GARIN1A: variants seen among roughly 807,000 people sequenced by gnomAD.
GARIN1A encodes the protein Golgi-associated RAB2 interactor protein 1A.
At chr7:128,672,352 C>T in the GARIN1A span, 61 of 1,537,336 alleles carry the variant, frequency 4.0e-5, no homozygotes, top group Admixed American at 2.7e-4. Context: ...GCTGGGTCGG[C>T]GTGGAGCCCC....
chr7:128,672,231 C>G, the GARIN1A span: 1 of 545,870 alleles, frequency 1.8e-6, no homozygotes, highest in South Asian at 2.7e-5. Context: ...TGATGTCATT[C>G]CTGCCATTGT....
At chr7:128,694,079 G>A in the GARIN1A span, among the ~76,000 whole-genome samples, 1 of 152,214 alleles carries the variant, frequency 6.6e-6, no homozygotes, top group Admixed American at 6.5e-5. Flanking sequence ...CCAAGGAGGG[G>A]AGAGGGCGTG....
At chr7:128,690,043 T>G in the GARIN1A span, among the ~76,000 whole-genome samples, 5 of 152,238 alleles carry the variant, frequency 3.3e-5, no homozygotes, top group African/African-American at 9.6e-5. Context: ...CATGGGAGAC[T>G]TCATTTTGTT....
At chr7:128,683,149 T>A in the GARIN1A span, 1 of 1,608,692 alleles carries the variant, frequency 6.2e-7, no homozygotes, top group African/African-American at 1.3e-5. Context: ...GAGCACTTCT[T>A]GGGAGCCTGA....
At chr7:128,689,943 G>A in the GARIN1A span, among the ~76,000 whole-genome samples, 3 of 152,082 alleles carry the variant, frequency 2.0e-5, no homozygotes, top group Non-Finnish European at 4.4e-5. Context: ...CCATGATGAC[G>A]ATGGCGGTTT....
the GARIN1A span, among the ~76,000 whole-genome samples, chr7:128,696,182 T>A: frequency 4.6e-5 from 7 of 152,030 alleles, no homozygotes; most frequent in South Asian, 4.2e-4. Flanking sequence ...GGCTAATTTT[T>A]AAAAATATTA....
the GARIN1A span, chr7:128,697,416 T>C: frequency 6.6e-6 from 1 of 152,588 alleles, no homozygotes; most frequent in East Asian, 1.9e-4. Flanking sequence ...TGGGCGGGGT[T>C]CTTGGGGCAG....
At chr7:128,707,708 C>T in the GARIN1A span, among the ~76,000 whole-genome samples, 2 of 152,144 alleles carry the variant, frequency 1.3e-5, no homozygotes, top group South Asian at 4.1e-4. Context: ...CCGCCTTGGC[C>T]TCCCAAAGTA....
the GARIN1A span, chr7:128,683,031 C>T: frequency 6.2e-7 from 1 of 1,610,966 alleles, no homozygotes; most frequent in Non-Finnish European, 8.5e-7. Context: ...AGTGGCATCT[C>T]CAATCAATTT....
the GARIN1A span, chr7:128,675,949 T>G: frequency 2.3e-6 from 2 of 883,360 alleles, no homozygotes; most frequent in South Asian, 1.5e-5. Context: ...AAAGAAAAGA[T>G]AGCGTTCTTT....
the GARIN1A span, chr7:128,675,856 G>A: frequency 6.2e-7 from 1 of 1,601,582 alleles, no homozygotes. Context: ...ATCAACCTCA[G>A]CAGGTAAAGG....
the GARIN1A span, chr7:128,672,324 T>A: frequency 7.5e-7 from 1 of 1,333,594 alleles, no homozygotes; most frequent in Non-Finnish European, 1.0e-6. Context: ...GCAGATCACA[T>A]CAACATCCTG....
chr7:128,693,295 C>A, the GARIN1A span, among the ~76,000 whole-genome samples: 2 of 152,194 alleles, frequency 1.3e-5, no homozygotes, highest in African/African-American at 4.8e-5. Flanking sequence ...CTTTTATAAT[C>A]TTTCTAAAGT....
the GARIN1A span, among the ~76,000 whole-genome samples, chr7:128,705,632 C>T: frequency 6.8e-6 from 1 of 147,494 alleles, no homozygotes; most frequent in Non-Finnish European, 1.5e-5. Context: ...ACACTGATGG[C>T]GCCAAATGGT....
chr7:128,681,825 A>AAATCT, the GARIN1A span, among the ~76,000 whole-genome samples: 1 of 151,528 alleles, frequency 6.6e-6, no homozygotes, highest in East Asian at 1.9e-4. Context: ...GGGTTCTTTG[A>AAATCT]AATCTCCTTT....
At chr7:128,683,423 T>C in the GARIN1A span, 83 of 275,352 alleles carry the variant, frequency 3.0e-4, 1 homozygote, top group Admixed American at 1.6e-4. Flanking sequence ...ACTGTCTGTG[T>C]GTACAGAGAA....
chr7:128,688,580 C>G, the GARIN1A span, among the ~76,000 whole-genome samples: 3 of 152,120 alleles, frequency 2.0e-5, no homozygotes, highest in Admixed American at 2.0e-4. Context: ...AGGGAGTCCA[C>G]AAACTTTCAC....
At chr7:128,705,313 C>G in the GARIN1A span, among the ~76,000 whole-genome samples, 1 of 152,160 alleles carries the variant, frequency 6.6e-6, no homozygotes, top group African/African-American at 2.4e-5. Context: ...TCTCAACTGT[C>G]TTAGACGGCA....
chr7:128,672,205 T>G, the GARIN1A span: 1 of 515,142 alleles, frequency 1.9e-6, no homozygotes, highest in Non-Finnish European at 3.4e-6. Context: ...TTTTCTGTTG[T>G]CACCATCACA....
Sources: gnomAD v4.1 joint callset for allele counts (sites outside exome capture counted in the v4.1 genomes callset) on GRCh38, gnomAD v4.1.1 for gene constraint, MANE v1.5 for transcripts, NCBI Gene and HGNC (gene_info 2026-07-23, HGNC 2026-07-21) for gene names.